The following CSMD1 variants were observed in gnomAD, a reference collection of about 807,000 sequenced individuals.
The protein encoded by CSMD1 is CUB and Sushi multiple domains 1.
A neutral mutation model predicts 417.5 loss-of-function variants in CSMD1; 213 were observed. That is an observed-to-expected ratio of 0.51 (90% confidence interval 0.46 to 0.57). The LOEUF is 0.57. Among genes scored for constraint, CSMD1 ranks in the 20% least tolerant of loss-of-function variants. The pLI is 0.00. For synonymous variants in CSMD1, 2,862 were observed against 1,736.8 expected (o/e 1.65, Z -16.11); for missense variants, 6,923 against 4,529.7 (o/e 1.53, Z -15.17).
At chr8:3,726,693 C>A (rs558497988) in intron 6 of CSMD1, among the ~76,000 whole-genome samples, 1 of 152,116 alleles carries the variant, frequency 6.6e-6, no homozygotes, top group Non-Finnish European at 1.5e-5. Flanking sequence ...GTGAGTGGTA[C>A]GAGGTGTATA....
intron 3 of CSMD1, among the ~76,000 whole-genome samples, chr8:4,145,236 T>C (rs1714809): frequency 0.99 from 149,489 of 150,836 alleles, 74,184 homozygotes; most frequent in Middle Eastern, 1. Flanking sequence ...AATAGGACAT[T>C]CATGACCTGG....
intron 2 of CSMD1, among the ~76,000 whole-genome samples, chr8:4,635,512 G>C (rs1376826255): frequency 6.6e-6 from 1 of 152,016 alleles, no homozygotes; most frequent in Non-Finnish European, 1.5e-5. Context: ...TAAAAATATT[G>C]AGAGAAAGAA....
At chr8:4,396,997 A>G (rs1314579272) in intron 3 of CSMD1, among the ~76,000 whole-genome samples, 1 of 152,030 alleles carries the variant, frequency 6.6e-6, no homozygotes, top group Non-Finnish European at 1.5e-5. Flanking sequence ...CATGTAACCA[A>G]ACACCATCTG....
intron 10 of CSMD1, among the ~76,000 whole-genome samples, chr8:3,517,325 C>T (rs1797323369): frequency 6.6e-6 from 1 of 152,084 alleles, no homozygotes; most frequent in Non-Finnish European, 1.5e-5. Context: ...AACAGGCAAT[C>T]CAAGTAAAAT....
intron 2 of CSMD1, among the ~76,000 whole-genome samples, 165 bp downstream of exon 2, chr8:4,637,177 C>G (rs567390135): frequency 1.3e-5 from 2 of 151,910 alleles, no homozygotes; most frequent in South Asian, 4.2e-4. Flanking sequence ...AGCTGGAAAA[C>G]TCACCCCAAA....
At chr8:3,260,107 T>G (rs1311419600) in intron 26 of CSMD1, among the ~76,000 whole-genome samples, 1 of 152,216 alleles carries the variant, frequency 6.6e-6, no homozygotes, top group Admixed American at 6.5e-5. Context: ...TTTCTTTGCA[T>G]GTATATGGCA....
At chr8:4,670,906 G>T (rs1196447584) in intron 1 of CSMD1, among the ~76,000 whole-genome samples, 1 of 152,176 alleles carries the variant, frequency 6.6e-6, no homozygotes, top group Admixed American at 6.5e-5. Flanking sequence ...AAATTTTAGT[G>T]ACAAGGATAG....
At chr8:3,275,602 A>G (rs184014742) in intron 26 of CSMD1, among the ~76,000 whole-genome samples, 46 of 152,172 alleles carry the variant, frequency 3.0e-4, no homozygotes, top group Admixed American at 2.4e-3. Flanking sequence ...ACATAGTCCC[A>G]TATTTCTTGG....
chr8:3,661,539 C>A (rs755804198), intron 7 of CSMD1, among the ~76,000 whole-genome samples: 1 of 151,708 alleles, frequency 6.6e-6, no homozygotes, highest in Non-Finnish European at 1.5e-5. Context: ...CTTTATCACC[C>A]AGGCTGCAGT....
At chr8:4,316,136 C>G (rs538655708) in intron 3 of CSMD1, among the ~76,000 whole-genome samples, 2 of 152,046 alleles carry the variant, frequency 1.3e-5, no homozygotes, top group Admixed American at 6.6e-5. Flanking sequence ...ATTCAAAAAC[C>G]TTCAACAATC....
chr8:3,009,059 T>C (rs995688309), intron 52 of CSMD1, among the ~76,000 whole-genome samples: 1 of 152,196 alleles, frequency 6.6e-6, no homozygotes, highest in African/African-American at 2.4e-5. Flanking sequence ...GTGGGAATGT[T>C]GCCACAATGT....
chr8:3,140,116 T>C (rs778727056), intron 41 of CSMD1, among the ~76,000 whole-genome samples: 3 of 152,020 alleles, frequency 2.0e-5, no homozygotes, highest in Non-Finnish European at 4.4e-5. Context: ...ATCGGCCAGG[T>C]TGGTCTCAAA....
chr8:3,294,114 A>T (rs1177018483), intron 25 of CSMD1, among the ~76,000 whole-genome samples: 1 of 152,212 alleles, frequency 6.6e-6, no homozygotes, highest in Non-Finnish European at 1.5e-5. Flanking sequence ...TTGCCTGGGT[A>T]TCAGCAGCAG....
At chr8:3,260,990 A>G (rs1220537658) in intron 26 of CSMD1, among the ~76,000 whole-genome samples, 1 of 151,110 alleles carries the variant, frequency 6.6e-6, no homozygotes, top group Non-Finnish European at 1.5e-5. Flanking sequence ...GGGAAAAGGA[A>G]CAACAACAAC....
chr8:4,532,101 T>G (rs1307004391), intron 2 of CSMD1, among the ~76,000 whole-genome samples: 1 of 144,808 alleles, frequency 6.9e-6, no homozygotes, highest in African/African-American at 2.6e-5. Flanking sequence ...AGAGAAATCC[T>G]GCACCGCCAT....
intron 6 of CSMD1, among the ~76,000 whole-genome samples, chr8:3,744,165 G>C (rs6993154): frequency 0.12 from 17,657 of 152,220 alleles, 1,077 homozygotes; most frequent in Middle Eastern, 0.14. Context: ...GGATTGACAA[G>C]GGCATGGAAG....
At chr8:4,573,965 C>T (rs1256731846) in intron 2 of CSMD1, among the ~76,000 whole-genome samples, 1 of 152,172 alleles carries the variant, frequency 6.6e-6, no homozygotes, top group Non-Finnish European at 1.5e-5. Context: ...TGGCAGACAT[C>T]CCTCTCTCCA....
At chr8:3,302,778 T>G (rs1204529015) in intron 25 of CSMD1, among the ~76,000 whole-genome samples, 3 of 152,210 alleles carry the variant, frequency 2.0e-5, no homozygotes, top group Non-Finnish European at 4.4e-5. Flanking sequence ...TTCATGCACT[T>G]TCTCACAGTT....
chr8:3,439,528 T>C (rs980986844), intron 12 of CSMD1, among the ~76,000 whole-genome samples: 21 of 148,044 alleles, frequency 1.4e-4, no homozygotes, highest in African/African-American at 5.2e-4. Flanking sequence ...TGTGTAATTG[T>C]AGAGTCTTAA....
Sources: gnomAD v4.1 joint callset for allele counts (sites outside exome capture counted in the v4.1 genomes callset) on GRCh38, gnomAD v4.1.1 for gene constraint, MANE v1.5 for transcripts, NCBI Gene and HGNC (gene_info 2026-07-23, HGNC 2026-07-21) for gene names.